ENPP2: variants seen among roughly 807,000 people sequenced by gnomAD.
The protein encoded by ENPP2 is ectonucleotide pyrophosphatase/phosphodiesterase 2, also known as autotaxin.
In ENPP2, 51 loss-of-function variants were observed where a neutral mutation model predicts 120.2. The observed-to-expected ratio is 0.42, with a 90% CI of 0.34 to 0.54. ENPP2 has a LOEUF of 0.54. Among genes scored for constraint, ENPP2 ranks in the 20% least tolerant of loss-of-function variants. ENPP2 has a pLI of 0.04. For missense variants in ENPP2, 920 were observed against 1,066.5 expected (o/e 0.86, Z 1.91); for synonymous variants, 365 against 366.4 (o/e 1.00, Z 0.04).
rs76900353 is a variant in ENPP2 at position 119,570,558 on chromosome 8, A to G, written c.1917+147T>C. The G allele has an allele frequency of 4.7e-3, 2,506 of 537,498 alleles. 14 individuals are homozygous for G. Among genetic ancestry groups the G allele is most frequent in the Non-Finnish European group, 5.6e-3 (1,759 of 314,606 alleles). The allele number at this position is 537,498 out of a possible 1,614,324, so 33.3% of individuals were successfully genotyped here. A position where few individuals can be genotyped will look rare whatever the true frequency, so the allele number is the denominator to read the frequency against. ...CATTGAATAAAGGCTAATTCAAAAT[A>G]TCTTACAATAAATCCAACATAGGAT... On this transcript the variant is annotated intron_variant, in intron 20 of 24. Coordinates refer to ENST00000075322, the MANE Select transcript of ENPP2 (RefSeq NM_001040092.3).
intron 1 of ENPP2, among the ~76,000 whole-genome samples, chr8:119,659,526 C>T (rs1390785771): frequency 6.6e-6 from 1 of 152,108 alleles, no homozygotes; most frequent in Admixed American, 6.5e-5. Context: ...TCCAGGCTTC[C>T]CTGCCAGGAC....
chr8:119,562,007 G>A (rs1197874563), intron 24 of ENPP2, among the ~76,000 whole-genome samples: 1 of 151,874 alleles, frequency 6.6e-6, no homozygotes, highest in Non-Finnish European at 1.5e-5. Flanking sequence ...CGTGGTGGTG[G>A]GCGCCTATAG....
At chr8:119,671,987 G>C (rs1818263789) in intron 1 of ENPP2, among the ~76,000 whole-genome samples, 1 of 152,218 alleles carries the variant, frequency 6.6e-6, no homozygotes, top group Non-Finnish European at 1.5e-5. Context: ...AAATGACACA[G>C]AGGCTGTGTG....
Position 119,601,480 on chromosome 8 carries a change from G to A in ENPP2, c.834-18C>T. On this transcript the variant is annotated intron_variant, in intron 9 of 24. Coordinates refer to ENST00000075322, the MANE Select transcript of ENPP2 (RefSeq NM_001040092.3). ...GGATGACACTGGAGGGTAAAAGCAAGCAAAGCATGTTGTTAGGTTTCATTT... is the reference window on the plus strand; with the variant it reads ...GGATGACACTGGAGGGTAAAAGCAAACAAAGCATGTTGTTAGGTTTCATTT... The A allele has an allele frequency of 6.2e-7, 1 of 1,607,120 alleles. No homozygotes were observed. The highest frequency in any genetic ancestry group is 1.1e-5 in the South Asian group (1 of 90,714).
At chr8:119,580,384 A>G (rs1812650810) in intron 18 of ENPP2, 2 of 573,058 alleles carry the variant, frequency 3.5e-6, no homozygotes, top group East Asian at 2.9e-5. Context: ...ACCTTCTTCA[A>G]TCTCTGTTTC....
At chr8:119,634,851 T>G (rs1216592380) in intron 2 of ENPP2, among the ~76,000 whole-genome samples, 7 of 152,320 alleles carry the variant, frequency 4.6e-5, no homozygotes, top group East Asian at 1.9e-4. Flanking sequence ...TAGAGGAGTC[T>G]CTACAGTTTT....
Position 119,582,334 on chromosome 8 carries a change from T to C in ENPP2, c.1728+84A>G, listed in dbSNP as rs73712329. The C allele has an allele frequency of 4.8e-3, 4,898 of 1,027,612 alleles. 156 individuals carry two copies. The African/African-American group carries it at 0.071, about 15-fold the overall frequency. The allele number at this position is 1,027,612 out of a possible 1,614,324, so 63.7% of individuals were successfully genotyped here. On this transcript the variant is annotated intron_variant, in intron 18 of 24. Coordinates refer to ENST00000075322, the MANE Select transcript of ENPP2 (RefSeq NM_001040092.3). ...TTGGACAGCATAATTATAGACCATG[T>C]CCATTGTCACAGAAAGTTCTATGGG...
intron 24 of ENPP2, among the ~76,000 whole-genome samples, chr8:119,561,324 C>G (rs1813909129): frequency 6.6e-6 from 1 of 151,984 alleles, no homozygotes; most frequent in Non-Finnish European, 1.5e-5. Context: ...ATTTGTTGAC[C>G]CACTCTGTGG....
chr8:119,596,903 T>C (rs1813933963), intron 11 of ENPP2, among the ~76,000 whole-genome samples: 2 of 151,932 alleles, frequency 1.3e-5, no homozygotes, highest in African/African-American at 4.8e-5. Flanking sequence ...TTCCAAATGC[T>C]GGAGGAAAAA....
chr8:119,559,483 T>G (rs868522535), intron 24 of ENPP2, among the ~76,000 whole-genome samples: 2 of 152,202 alleles, frequency 1.3e-5, no homozygotes, highest in African/African-American at 2.4e-5. Flanking sequence ...ATTTGCCAAT[T>G]TCATTGGAGA....
At chr8:119,586,021 T>C (rs10505368) in intron 15 of ENPP2, among the ~76,000 whole-genome samples, 165 bp downstream of exon 15, 18,572 of 151,974 alleles carry the variant, frequency 0.12, 1,187 homozygotes, top group Middle Eastern at 0.2. Flanking sequence ...CATAGAGATA[T>C]ATTGTCTCAG....
At chr8:119,626,427 C>CA in intron 3 of ENPP2, 138 bp downstream of exon 3, 1 of 624,682 alleles carries the variant, frequency 1.6e-6, no homozygotes, top group South Asian at 2.2e-5. Flanking sequence ...TTCAAAGAAC[C>CA]AATAATCATT....
At chr8:119,585,444 T>C (rs16892820) in intron 15 of ENPP2, among the ~76,000 whole-genome samples, 2,246 of 152,326 alleles carry the variant, frequency 0.015, 37 homozygotes, top group African/African-American at 0.042. Context: ...CTTCTTTCTC[T>C]TGCAAACTAG....
Position 119,557,202 on chromosome 8 carries a change from C to G in ENPP2, c.*319G>C. The G allele has an allele frequency of 5.1e-6, 1 of 195,524 alleles. No homozygotes were observed. Among genetic ancestry groups the G allele is most frequent in the Non-Finnish European group, 1.0e-5 (1 of 96,164 alleles). 12.1% of individuals were successfully genotyped at this position (195,524 alleles called of 1,614,324 possible). On this transcript the variant is annotated 3_prime_UTR_variant, in exon 25 of 25. Transcript: ENST00000075322. ...ACTTTACAAAATCAGTGTTTCCATA[C>G]AGTACAGGACTAAATGTGGCAACTG...
At chr8:119,653,973 A>T (rs1029544820) in intron 1 of ENPP2, among the ~76,000 whole-genome samples, 1 of 147,484 alleles carries the variant, frequency 6.8e-6, no homozygotes, top group Admixed American at 6.8e-5. Context: ...TAGATTACAT[A>T]TTATTATATA....
intron 1 of ENPP2, among the ~76,000 whole-genome samples, chr8:119,650,696 C>G (rs1316549212): frequency 6.6e-6 from 1 of 152,310 alleles, no homozygotes; most frequent in Admixed American, 6.5e-5. Context: ...GTGGACTGCT[C>G]TTAACGAGCC....
At chr8:119,571,995 G>C in intron 19 of ENPP2, 1 of 544,788 alleles carries the variant, frequency 1.8e-6, no homozygotes, top group East Asian at 3.0e-5. Flanking sequence ...CAGCATTGCA[G>C]TAAATGTAGA....
chr8:119,557,533 C>A lies in ENPP2; in HGVS notation c.2580G>T (p.Glu860Asp), dbSNP rs529559244. ...GATGCTCAGAAAGTTAAATCTCGCTCTCATATGTATGCAGGTATGTCTTGA... is the reference window on the plus strand; with the variant it reads ...GATGCTCAGAAAGTTAAATCTCGCTATCATATGTATGCAGGTATGTCTTGA... Reference protein sequence around the residue: ...LTLKTYLHTYESEI With the variant: ...LTLKTYLHTYDSEI The change falls in exon 25 of 25, where the codon GAG becomes GAT. Residue 860 changes from glutamate to aspartate, a missense_variant. By Grantham distance (45) the Glu-to-Asp change is conservative. Coordinates refer to ENST00000075322, the MANE Select transcript of ENPP2 (RefSeq NM_001040092.3). 6.2e-7 allele frequency: 1 copy of A among 1,612,476 alleles called. No individual in the cohort carries two copies. The highest frequency in any genetic ancestry group is 8.5e-7 in the Non-Finnish European group (1 of 1,179,684).
In ENPP2 at chr8:119,604,014, T is replaced by C. The variant is rs13276243; in HGVS notation, c.834-2552A>G. 8.6e-3 allele frequency among the ~76,000 whole-genome samples: 271 copies of C among 31,338 alleles called. 11 individuals carry two copies. The highest frequency in any genetic ancestry group is 0.026 in the South Asian group (10 of 388). The allele number at this position is 31,338 out of a possible 152,430, so 20.6% of individuals were successfully genotyped here. On this transcript the variant is annotated intron_variant, in intron 9 of 24. Transcript: ENST00000075322. ...TGTTCTAACCTCTCAATCTCTCTCT[T>C]TTTTTTTTTTTTTTTTTTGGTTGTT...
Sources: allele counts gnomAD v4.1 joint callset (sites outside exome capture counted in the v4.1 genomes callset), GRCh38; gene constraint gnomAD v4.1.1; transcripts MANE v1.5; gene names NCBI Gene and HGNC (gene_info 2026-07-23, HGNC 2026-07-21).